The following CSMD3 variants were observed in gnomAD, a reference collection of about 807,000 sequenced individuals.
The protein encoded by CSMD3 is CUB and sushi domain-containing protein 3.
A neutral mutation model predicts 435.2 loss-of-function variants in CSMD3; 177 were observed. That is an observed-to-expected ratio of 0.41 (90% confidence interval 0.36 to 0.46). The LOEUF is 0.46. Among genes scored for constraint, CSMD3 ranks in the 20% least tolerant of loss-of-function variants. The pLI is 0.34. For synonymous variants in CSMD3, 1,656 were observed against 1,520.5 expected (o/e 1.09, Z -2.07); for missense variants, 4,265 against 4,504.6 (o/e 0.95, Z 1.52).
intron 38 of CSMD3, among the ~76,000 whole-genome samples, chr8:112,353,207 G>A (rs879331664): frequency 7.9e-5 from 12 of 151,880 alleles, no homozygotes; most frequent in Non-Finnish European, 1.6e-4. Flanking sequence ...CCTGGCCACC[G>A]TGGTCAAACC....
chr8:112,607,309 T>G (rs1438627363), intron 22 of CSMD3, among the ~76,000 whole-genome samples: 1 of 151,882 alleles, frequency 6.6e-6, no homozygotes. Flanking sequence ...ATAAATAGAT[T>G]AATAATGAGT....
At chr8:112,494,508 TTTC>T (rs1821085763) in intron 30 of CSMD3, among the ~76,000 whole-genome samples, 1 of 80,828 alleles carries the variant, frequency 1.2e-5, no homozygotes, top group Non-Finnish European at 2.8e-5. Context: ...TCTTTCTTTC[TTTC>T]TTTCTTTCTT....
At chr8:113,329,227 A>ATAAATAAATAAATAAG (rs1324127270) in intron 1 of CSMD3, among the ~76,000 whole-genome samples, 5 of 151,144 alleles carry the variant, frequency 3.3e-5, no homozygotes, top group Non-Finnish European at 5.9e-5. Context: ...AAATAAATAA[A>ATAAATAAATAAATAAG]TAAATAAGGA....
intron 24 of CSMD3, among the ~76,000 whole-genome samples, chr8:112,559,457 C>G (rs1314510630): frequency 2.0e-5 from 3 of 151,788 alleles, no homozygotes; most frequent in Non-Finnish European, 4.4e-5. Flanking sequence ...TATGAAGCCC[C>G]TGGCCACTTC....
chr8:112,831,319 TC>T, intron 11 of CSMD3, among the ~76,000 whole-genome samples: 1 of 123,868 alleles, frequency 8.1e-6, no homozygotes, highest in Non-Finnish European at 1.6e-5. Context: ...TTTCCCATTT[TC>T]TTTCTTTTTT....
intron 32 of CSMD3, among the ~76,000 whole-genome samples, chr8:112,410,777 T>C (rs542213727): frequency 1.2e-3 from 174 of 147,462 alleles, no homozygotes; most frequent in Non-Finnish European, 2.2e-3. Flanking sequence ...TGGATGATCC[T>C]GTTCTCAAAT....
chr8:112,397,090 G>A (rs927529873), intron 35 of CSMD3, among the ~76,000 whole-genome samples: 2 of 152,114 alleles, frequency 1.3e-5, no homozygotes, highest in African/African-American at 4.8e-5. Flanking sequence ...AAGACACTGA[G>A]CTTTTTCTAT....
intron 11 of CSMD3, among the ~76,000 whole-genome samples, chr8:112,840,278 C>A (rs765204968): frequency 6.6e-6 from 1 of 151,736 alleles, no homozygotes; most frequent in Non-Finnish European, 1.5e-5. Context: ...TAGATTGCTA[C>A]GGGTAATGTG....
intron 10 of CSMD3, among the ~76,000 whole-genome samples, chr8:112,860,683 T>C (rs2080802410): frequency 6.6e-6 from 1 of 151,674 alleles, no homozygotes; most frequent in Admixed American, 6.6e-5. Context: ...AAAATATTGA[T>C]AATATTGATT....
At chr8:112,413,840 C>G (rs1811616669) in intron 32 of CSMD3, among the ~76,000 whole-genome samples, 1 of 152,166 alleles carries the variant, frequency 6.6e-6, no homozygotes, top group South Asian at 2.1e-4. Context: ...TAGGCCCTGA[C>G]TATTTTACTT....
chr8:112,669,601 A>G (rs903279904), intron 16 of CSMD3, among the ~76,000 whole-genome samples: 7 of 152,196 alleles, frequency 4.6e-5, no homozygotes, highest in African/African-American at 1.7e-4. Flanking sequence ...TTGGCTGAAC[A>G]AGAAAAATTT....
At chr8:113,249,215 G>A (rs2093311180) in intron 3 of CSMD3, among the ~76,000 whole-genome samples, 1 of 152,056 alleles carries the variant, frequency 6.6e-6, no homozygotes. Context: ...CCAGCCATAT[G>A]GAACTGTGAG....
chr8:112,259,106 G>A (rs1816125753), intron 61 of CSMD3, among the ~76,000 whole-genome samples: 1 of 151,608 alleles, frequency 6.6e-6, no homozygotes, highest in Admixed American at 6.6e-5. Context: ...TATACCCAAA[G>A]GATTATAAAT....
chr8:112,461,649 G>C lies in CSMD3; in HGVS notation c.5395+10942C>G, dbSNP rs1451617464. 2.0e-5 allele frequency among the ~76,000 whole-genome samples: 3 copies of C among 151,970 alleles called. No homozygotes were observed. The East Asian group carries it at 5.8e-4, about 29-fold the overall frequency. On this transcript the variant is annotated intron_variant, in intron 32 of 70. Transcript: ENST00000297405. ...TGAAAAATGCAAAGTTATCTTGGAGGTATTTATTACACTTTAATGATAAGA... is the reference window on the plus strand; with the variant it reads ...TGAAAAATGCAAAGTTATCTTGGAGCTATTTATTACACTTTAATGATAAGA...
intron 50 of CSMD3, among the ~76,000 whole-genome samples, chr8:112,308,822 T>C (rs530773622): frequency 6.6e-6 from 1 of 152,106 alleles, no homozygotes; most frequent in South Asian, 2.1e-4. Context: ...CTCAAGTAAA[T>C]GTATGTCAGG....
rs2129841148 is a variant in CSMD3 at position 112,228,900 on chromosome 8, TA to T, written c.10829-10del. The T allele has an allele frequency of 7.2e-7, 1 of 1,389,892 alleles. No individual in the cohort carries two copies. Among genetic ancestry groups the T allele is most frequent in the Non-Finnish European group, 1.0e-6 (1 of 982,904 alleles). 86.1% of individuals were successfully genotyped at this position (1,389,892 alleles called of 1,614,324 possible). On this transcript the variant is annotated splice_polypyrimidine_tract_variant and intron_variant, in intron 69 of 70. Transcript: ENST00000297405. ...TTCTGACATATTCAGTCCTACAAAA[TA>T]AAAAATAAATTATAAATACACAACT...
chr8:113,060,569 T>C (rs531038081), intron 5 of CSMD3, among the ~76,000 whole-genome samples: 1 of 152,280 alleles, frequency 6.6e-6, no homozygotes, highest in South Asian at 2.1e-4. Flanking sequence ...ACAAATATAG[T>C]AATACTTCTC....
chr8:112,559,233 C>A, intron 24 of CSMD3, among the ~76,000 whole-genome samples: 1 of 151,670 alleles, frequency 6.6e-6, no homozygotes. Context: ...AGAATGAGGC[C>A]CAGAAATTTA....
At chr8:112,597,421 C>G (rs918398548) in intron 22 of CSMD3, among the ~76,000 whole-genome samples, 1 of 137,234 alleles carries the variant, frequency 7.3e-6, no homozygotes, top group African/African-American at 2.8e-5. Context: ...GATTCACAGC[C>G]GAATTCTACC....
Sources: gnomAD v4.1 joint callset for allele counts (sites outside exome capture counted in the v4.1 genomes callset) on GRCh38, gnomAD v4.1.1 for gene constraint, MANE v1.5 for transcripts, NCBI Gene and HGNC (gene_info 2026-07-23, HGNC 2026-07-21) for gene names.